The following TAOK2 variants were observed in gnomAD, a reference collection of about 807,000 sequenced individuals.
TAOK2 encodes the protein TAO kinase 2, also known as serine/threonine-protein kinase TAO2.
TAOK2 carries 42 observed loss-of-function variants against 122.5 expected under a neutral mutation model. The observed-to-expected ratio is 0.34, with a 90% CI of 0.27 to 0.44. The LOEUF is 0.44. TAOK2 is among the 20% of genes least tolerant of loss of function. The pLI, the probability that TAOK2 is intolerant of heterozygous loss-of-function variation, is 1.00. For synonymous variants in TAOK2, 704 were observed against 677.6 expected (o/e 1.04, Z -0.61); for missense variants, 1,264 against 1,644.9 (o/e 0.77, Z 4.01).
chr16:29,986,091 T>C lies in TAOK2; in HGVS notation c.1993-174T>C, dbSNP rs1270301756. 1.3e-5 allele frequency among the ~76,000 whole-genome samples: 2 copies of C among 152,118 alleles called. No individual in the cohort carries two copies. Among genetic ancestry groups the C allele is most frequent in the Non-Finnish European group, 2.9e-5 (2 of 68,006 alleles). On this transcript the variant is annotated intron_variant, in intron 15 of 15. Transcript: ENST00000308893. This position sits in a 1 kb window ranked among gnomAD's most constrained non-coding sequence, Gnocchi z 4.2. ...TTGCCTCCCCTACACCCTCATCTCC[T>C]GCCATCCCCAGCTCCCTCTGCCAAG...
chr16:29,983,512 A>T lies in TAOK2; in HGVS notation c.1270A>T (p.Asn424Tyr). 1 of 1,608,558 alleles carries T rather than the reference A, an allele frequency of 6.2e-7. No homozygotes were observed. The highest frequency in any genetic ancestry group is 8.5e-7 in the Non-Finnish European group (1 of 1,175,848). Reference protein sequence around the residue: ...SIIHRLPGSDNLYDDPYQPEI... With the variant: ...SIIHRLPGSDYLYDDPYQPEI... ...TTCTATCTCCCTCTAGGGCTCTGAC[A>T]ACCTATATGATGACCCCTACCAGCC... is the stretch of plus-strand genomic sequence containing the variant. Residue 424 changes from asparagine (N) to tyrosine (Y), a missense_variant, in exon 13 of 16, where the codon AAC becomes TAC. Physicochemically the swap from Asn to Tyr is moderately radical, Grantham distance 143. Transcript: ENST00000308893.
At chr16:29,988,501 T>C, downstream of TAOK2, 4 of 1,186,380 alleles carry the variant, frequency 3.4e-6, no homozygotes, top group Non-Finnish European at 3.2e-6. Flanking sequence ...CTTCACCCCA[T>C]CTCCGTTATC....
intron 11 of TAOK2, 71 bp from the exon 12 acceptor site, chr16:29,983,001 C>T: frequency 6.2e-7 from 1 of 1,605,972 alleles, no homozygotes; most frequent in Non-Finnish European, 8.5e-7. Context: ...CCACCATCTT[C>T]CCATGCTACC....
At chr16:29,990,987 G>A (rs1202467556), downstream of TAOK2, 3 of 1,602,230 alleles carry the variant, frequency 1.9e-6, no homozygotes, top group Admixed American at 3.4e-5. Flanking sequence ...CAGCCTCCAG[G>A]ACTGGGGAGG....
rs2069883158 is a variant in TAOK2, at chr16:29,988,383, T to C, written c.*403T>C. On this transcript the variant is annotated 3_prime_UTR_variant, in exon 16 of 16. Transcript: ENST00000308893. ...GAAAAAGACAAACACAAATAAAATA[T>C]CTGAGCGGAACTGTGCCTTTGGCCC... The C allele has an allele frequency of 2.3e-6, 3 of 1,315,760 alleles. No homozygotes were observed. The highest frequency in any genetic ancestry group is 3.0e-6 in the Non-Finnish European group (3 of 1,007,104). The allele number at this position is 1,315,760 out of a possible 1,614,324, so 81.5% of individuals were successfully genotyped here.
At chr16:29,982,028 C>T (rs569512895) in intron 10 of TAOK2, 88 bp downstream of exon 10, 1 of 1,115,596 alleles carries the variant, frequency 9.0e-7, no homozygotes, top group South Asian at 1.3e-5. Flanking sequence ...TTCCCAGTTC[C>T]TCCTCCACCA....
chr16:29,988,526 C>T (rs1285198566), downstream of TAOK2: 7 of 1,170,966 alleles, frequency 6.0e-6, no homozygotes, highest in South Asian at 6.5e-5. Flanking sequence ...CCCCCTCACT[C>T]CTCCAGCCTC....
Position 29,983,203 on chromosome 16 carries a change from C to CGAGGAA in TAOK2, c.1137_1142dup (p.Glu391_Glu392dup). 3.1e-6 allele frequency: 5 copies of CGAGGAA among 1,613,768 alleles called. No individual in the cohort carries two copies. The highest frequency in any genetic ancestry group is 4.2e-6 in the Non-Finnish European group (5 of 1,179,964). On this transcript the variant is annotated inframe_insertion, in exon 12 of 16. Coordinates refer to ENST00000308893, the MANE Select transcript of TAOK2 (RefSeq NM_016151.4). Reference sequence around the variant, plus strand: ...ACAGCCTAGCAGATGCCTCAGACAACGAGGAAGAGGAGGAGGAGGAGGAGG... The same window carrying CGAGGAA: ...ACAGCCTAGCAGATGCCTCAGACAACGAGGAAGAGGAAGAGGAGGAGGAGGAGGAGG...
chr16:29,988,672 C>T (rs60683614), downstream of TAOK2: 70,405 of 985,406 alleles, frequency 0.071, 2,866 homozygotes, highest in African/African-American at 0.16. Context: ...TCTTAGTTTC[C>T]AGGCCCTTGG....
downstream of TAOK2, chr16:29,989,554 C>G (rs1463377781): frequency 6.2e-7 from 1 of 1,610,846 alleles, no homozygotes; most frequent in East Asian, 2.2e-5. Flanking sequence ...CTCCTCTTCC[C>G]CGCTGCCCCC....
downstream of TAOK2, chr16:29,989,929 C>T: frequency 2.4e-6 from 2 of 844,754 alleles, no homozygotes; most frequent in South Asian, 3.4e-5. Flanking sequence ...CTCACATACT[C>T]TCCCTCTGTT....
chr16:29,985,475 G>A lies in TAOK2; in HGVS notation c.1685G>A (p.Arg562Gln), dbSNP rs1339726468. Residue 562 changes from arginine to glutamine, a missense_variant, in exon 14 of 16, where the codon CGG (arginine) becomes CAG (glutamine). Coordinates refer to ENST00000308893, the MANE Select transcript of TAOK2 (RefSeq NM_016151.4). This position sits in a 1 kb window ranked among gnomAD's most constrained non-coding sequence, Gnocchi z 6.9. ...GCACGAGCTGCCCAGGCCGAGGAGC[G>A]GAAGTTCCAGCAGCACATCCTTGGG... ...KEARAAQAEE[R>Q]KFQQHILGQQ... 9.3e-6 allele frequency: 15 copies of A among 1,612,906 alleles called. No individual in the cohort carries two copies. Among genetic ancestry groups the A allele is most frequent in the East Asian group, 2.2e-5 (1 of 44,878 alleles).
At chr16:29,991,678 C>CT, downstream of TAOK2, 1 of 1,308,702 alleles carries the variant, frequency 7.6e-7, no homozygotes. This position sits in a 1 kb window ranked among gnomAD's most constrained non-coding sequence, Gnocchi z 5.6. Flanking sequence ...AAGATGTAGG[C>CT]TCCAGCTCCC....
rs1432989168 is a variant in TAOK2, at chr16:29,977,668, C to T, written c.-35-70C>T. The T allele has an allele frequency of 7.0e-6, 10 of 1,431,386 alleles. No homozygotes were observed. In the Middle Eastern group the frequency reaches 7.6e-4, roughly 108 times the overall value. 88.7% of individuals were successfully genotyped at this position (1,431,386 alleles called of 1,614,324 possible). ...GAATGAGGGGAGGAGATGGCAGAAACTTGATGGGTCCCTTCCTCTCCCTGA... is the reference window on the plus strand; with the variant it reads ...GAATGAGGGGAGGAGATGGCAGAAATTTGATGGGTCCCTTCCTCTCCCTGA... On this transcript the variant is annotated intron_variant, in intron 1 of 15. Transcript: ENST00000308893.
chr16:29,985,433 C>T lies in TAOK2; in HGVS notation c.1643C>T (p.Ala548Val), dbSNP rs1239589256. ...EAEKLARRHQ[A>V]IGEKEARAAQ... The stretch of plus-strand genomic sequence containing the variant: ...GAAAAGCTGGCCCGGCGGCACCAGG[C>T]CATAGGTGAGAAGGAGGCACGAGCT... The change falls in exon 14 of 16, where the codon GCC (alanine) becomes GTC (valine). Residue 548 changes from alanine to valine, a missense_variant. By Grantham distance (64) the Ala-to-Val change is moderately conservative. This residue lies in a region of TAOK2 where 824 missense variants were observed against 908.7 expected (regional missense o/e 0.91). Coordinates refer to ENST00000308893, the MANE Select transcript of TAOK2 (RefSeq NM_016151.4). This position sits in a 1 kb window ranked among gnomAD's most constrained non-coding sequence, Gnocchi z 6.9. The T allele has an allele frequency of 3.1e-6, 5 of 1,610,236 alleles. No individual in the cohort carries two copies. Among genetic ancestry groups the T allele is most frequent in the Non-Finnish European group, 4.2e-6 (5 of 1,178,486 alleles).
intron 4 of TAOK2, 141 bp from the exon 5 acceptor site, chr16:29,978,658 A>G (rs1003534462): frequency 1.1e-6 from 1 of 922,476 alleles, no homozygotes; most frequent in African/African-American, 1.6e-5. Context: ...AAACTCTCCC[A>G]CCACCCCCTC....
At chr16:29,989,673 C>A, downstream of TAOK2, 1 of 1,614,144 alleles carries the variant, frequency 6.2e-7, no homozygotes, top group Non-Finnish European at 8.5e-7. Context: ...TGCGAGCACA[C>A]TTGCTGGAGA....
At chr16:29,991,657 G>C, downstream of TAOK2, 1 of 1,379,528 alleles carries the variant, frequency 7.2e-7, no homozygotes, top group Non-Finnish European at 9.4e-7. The surrounding 1 kb of genome is among the most constrained non-coding windows in gnomAD (Gnocchi z 5.6). Flanking sequence ...GCCCCTGCAA[G>C]GGTAGGGGAC....
Position 29,982,749 on chromosome 16 carries a change from CG to C in TAOK2, c.850del (p.Glu284SerfsTer10). On this transcript the variant is annotated frameshift_variant, in exon 11 of 16. Transcript: ENST00000308893. LOFTEE classifies it high-confidence loss of function. Reference protein sequence around the residue: ...EVLLKHRFVLRERPPTVIMDL... With the variant: ...EVLLKHRFVLXERPPTVIMDL... Reference sequence around the variant, plus strand: ...CTTCCCCCAGCACCGCTTTGTGCTCCGGGAGCGGCCACCCACAGTCATCATG... The same window carrying C: ...CTTCCCCCAGCACCGCTTTGTGCTCCGGAGCGGCCACCCACAGTCATCATG... 6.2e-7 allele frequency: 1 copy of C among 1,613,494 alleles called. No homozygotes were observed. Among genetic ancestry groups the C allele is most frequent in the Non-Finnish European group, 8.5e-7 (1 of 1,179,658 alleles).
Sources: allele counts gnomAD v4.1 joint callset (sites outside exome capture counted in the v4.1 genomes callset), GRCh38; gene constraint gnomAD v4.1.1; regional missense constraint gnomAD v4.1.1; non-coding constraint Gnocchi (gnomAD v3.1); transcripts MANE v1.5; gene names NCBI Gene and HGNC (gene_info 2026-07-23, HGNC 2026-07-21).